Variants in CALCA observed in about 807,000 individuals in gnomAD.
CALCA encodes the protein calcitonin related polypeptide alpha, also known as calcitonin.
In CALCA, 4 loss-of-function variants were observed where a neutral mutation model predicts 6.9. The observed-to-expected ratio is 0.58, with a 90% CI of 0.29 to 1.33. The LOEUF (loss-of-function observed/expected upper bound fraction) is 1.33. CALCA is among the 40% of genes most tolerant of loss of function. The pLI is 0.09. For synonymous variants in CALCA, 78 were observed against 70.0 expected (o/e 1.11, Z -0.57); for missense variants, 174 against 178.3 (o/e 0.98, Z 0.14).
chr11:14,970,219 GTCC>G, intron 2 of CALCA, 144 bp from the exon 3 acceptor site: 1 of 1,187,414 alleles, frequency 8.4e-7, no homozygotes, highest in South Asian at 1.5e-5. Context: ...CAAGGCCAGT[GTCC>G]TCCTCAGGAC....
intron 3 of CALCA, 77 bp downstream of exon 3, chr11:14,969,858 C>T (rs1441166768): frequency 4.4e-6 from 7 of 1,606,776 alleles, no homozygotes; most frequent in Non-Finnish European, 6.0e-6. Context: ...TGTGTTCTCT[C>T]CTACCTCTCG....
chr11:14,971,337 C>T lies in CALCA; in HGVS notation c.-9-136G>A. ...TGGCTTCAGACTGGTCATTATATTT[C>T]TCTTCTTTTTTGTTTCCTCATCAGC... On this transcript the variant is annotated intron_variant, in intron 1 of 3. Coordinates refer to ENST00000331587, the MANE Select transcript of CALCA (RefSeq NM_001741.3). The T allele has an allele frequency of 2.8e-6, 2 of 709,310 alleles. 1 individual carries two copies. The highest frequency in any genetic ancestry group is 5.2e-6 in the Non-Finnish European group (2 of 388,294). The allele number at this position is 709,310 out of a possible 1,614,324, so 43.9% of individuals were successfully genotyped here.
rs1555025832 is a variant in CALCA at position 14,968,827 on chromosome 11, T to G, written c.398A>C (p.His133Pro). The G allele has an allele frequency of 1.8e-5, 29 of 1,614,068 alleles. No individual in the cohort carries two copies. The highest frequency in any genetic ancestry group is 2.5e-5 in the Non-Finnish European group (29 of 1,180,036). Residue 133 changes from histidine (H) to proline (P), a missense_variant, in exon 4 of 4, where the codon CAT (histidine) becomes CCT (proline). Coordinates refer to ENST00000331587, the MANE Select transcript of CALCA (RefSeq NM_001741.3). ...GTTGGCATTCTGGGGCATGCTAACA[T>G]GAGGGCGATGGTCTCTCTCCAAGTC... ...SSDLERDHRP[H>P]VSMPQNAN
rs1555025859 is a variant in CALCA, at chr11:14,968,904, G to A, written c.321C>T (p.Pro107=). 6.2e-7 allele frequency: 1 copy of A among 1,614,134 alleles called. No homozygotes were observed. The highest frequency in any genetic ancestry group is 1.1e-5 in the South Asian group (1 of 91,068). The change falls in exon 4 of 4, where the codon CCC becomes CCT. Residue 107 remains proline (P), a synonymous_variant. Transcript: ENST00000331587. ...TQDFNKFHTF[P]QTAIGVGAPG... is the part of the protein sequence containing the mutation. Reference sequence around the variant, plus strand: ...GTGCTCCAACCCCAATTGCAGTTTGGGGGAACGTGTGAAACTTGTTGAAGT... The same window carrying A: ...GTGCTCCAACCCCAATTGCAGTTTGAGGGAACGTGTGAAACTTGTTGAAGT...
Position 14,968,948 on chromosome 11 carries a change from G to T in CALCA, c.277C>A (p.Leu93Met), listed in dbSNP as rs1020077076. 3.7e-6 allele frequency: 6 copies of T among 1,613,990 alleles called. No individual in the cohort carries two copies. The highest frequency in any genetic ancestry group is 5.1e-6 in the Non-Finnish European group (6 of 1,180,024). ...KRCGNLSTCM[L>M]GTYTQDFNKF... ...TTGAAGTCCTGCGTGTATGTGCCCAGCATGCAAGTACTCAGATTACCGCAC... is the reference window on the plus strand; with the variant it reads ...TTGAAGTCCTGCGTGTATGTGCCCATCATGCAAGTACTCAGATTACCGCAC... Residue 93 changes from leucine (L) to methionine (M), a missense_variant, in exon 4 of 4, where the codon CTG (leucine) becomes ATG (methionine). Coordinates refer to ENST00000331587, the MANE Select transcript of CALCA (RefSeq NM_001741.3).
downstream of CALCA, chr11:14,967,720 C>T: frequency 6.2e-7 from 1 of 1,614,198 alleles, no homozygotes; most frequent in South Asian, 1.1e-5. Context: ...CCTGCGGCGC[C>T]TGCCAAAGGC....
downstream of CALCA, among the ~76,000 whole-genome samples, chr11:14,967,358 T>G (rs1849479992): frequency 6.6e-6 from 1 of 152,184 alleles, no homozygotes; most frequent in Admixed American, 6.5e-5. Flanking sequence ...TAATGTATAC[T>G]CTAAAATGAT....
intron 1 of CALCA, among the ~76,000 whole-genome samples, chr11:14,971,624 G>A (rs782104519): frequency 3.3e-5 from 5 of 152,196 alleles, no homozygotes; most frequent in Non-Finnish European, 7.3e-5. Flanking sequence ...GGTGGGAGGG[G>A]TGGGATCTAT....
In CALCA at chr11:14,971,141, A is replaced by G. The variant is rs144571175; in HGVS notation, c.52T>C (p.Leu18=). 8.1e-6 allele frequency: 13 copies of G among 1,613,996 alleles called. No homozygotes were observed. In the African/African-American group the frequency reaches 1.7e-4, roughly 22 times the overall value. ...GCTGCATGGAGGCTGCCTGCCTGCA[A>G]CAGGACCAAGATGCTGAGAGCCAGG... is the stretch of plus-strand genomic sequence containing the variant. ...PFLALSILVL[L]QAGSLHAAPF... is the part of the protein sequence containing the mutation. Residue 18 remains leucine (L), a synonymous_variant, in exon 2 of 4, where the codon TTG becomes CTG. Transcript: ENST00000331587.
chr11:14,971,178 C>A lies in CALCA; in HGVS notation c.15G>T (p.Lys5Asn). The A allele has an allele frequency of 6.2e-7, 1 of 1,614,034 alleles. No homozygotes were observed. Among genetic ancestry groups the A allele is most frequent in the Non-Finnish European group, 8.5e-7 (1 of 1,179,974 alleles). The change falls in exon 2 of 4, where the codon AAG (lysine) becomes AAT (asparagine). Residue 5 changes from lysine to asparagine, a missense_variant. By Grantham distance (94) the Lys-to-Asn change is moderately conservative. Transcript: ENST00000331587. MGFQ[K>N]FSPFLALSIL... ...TGCTGAGAGCCAGGAAGGGGGAGAA[C>A]TTTTGGAAGCCCATGACACCTCTCT...
chr11:14,968,771 A>G lies in CALCA; in HGVS notation c.*28T>C. ...ATCAAGTTATAGGAAGGATGCAAGAAGGGAAATTAGGAAGGAAAGGGAGGA... is the reference window on the plus strand; with the variant it reads ...ATCAAGTTATAGGAAGGATGCAAGAGGGGAAATTAGGAAGGAAAGGGAGGA... On this transcript the variant is annotated 3_prime_UTR_variant, in exon 4 of 4. Transcript: ENST00000331587. The G allele has an allele frequency of 6.2e-7, 1 of 1,614,128 alleles. No individual in the cohort carries two copies. Among genetic ancestry groups the G allele is most frequent in the Non-Finnish European group, 8.5e-7 (1 of 1,179,996 alleles).
downstream of CALCA, chr11:14,967,784 T>C (rs1220330803): frequency 1.2e-6 from 2 of 1,614,212 alleles, no homozygotes; most frequent in Non-Finnish European, 1.7e-6. Flanking sequence ...CCCCCTGATC[T>C]GCTCAGCAAG....
At chr11:14,966,693 T>A (rs1849466149), downstream of CALCA, 1 of 152,054 alleles carries the variant, frequency 6.6e-6, no homozygotes, top group Non-Finnish European at 1.5e-5. Flanking sequence ...AATACATTTT[T>A]AATTTTGATA....
At position 14,970,525 on chromosome 11, in the gene CALCA, T is replaced by C. The variant is rs557320230; in HGVS notation, c.87-450A>G. 2.0e-5 allele frequency among the ~76,000 whole-genome samples: 3 copies of C among 152,282 alleles called. No individual in the cohort carries two copies. The East Asian group carries it at 5.8e-4, about 29-fold the overall frequency. On this transcript the variant is annotated intron_variant, in intron 2 of 3. Transcript: ENST00000331587. The stretch of plus-strand genomic sequence containing the variant: ...ATTCATTTTTCAAATCATGGCTGAA[T>C]AGGATAAATAGGATGGCTACACATA...
At chr11:14,969,817 G>A in intron 3 of CALCA, 118 bp downstream of exon 3, 1 of 1,513,728 alleles carries the variant, frequency 6.6e-7, no homozygotes. Flanking sequence ...AGGTCCCGGT[G>A]AACAACACAG....
intron 1 of CALCA, among the ~76,000 whole-genome samples, chr11:14,971,889 G>C (rs1209766162): frequency 6.6e-6 from 1 of 152,080 alleles, no homozygotes; most frequent in Non-Finnish European, 1.5e-5. Flanking sequence ...AATTTCCCTG[G>C]GACTGCTGGG....
chr11:14,967,773 AC>A (rs1565207788), downstream of CALCA: 79 of 1,613,456 alleles, frequency 4.9e-5, no homozygotes, highest in Non-Finnish European at 6.6e-5. Context: ...TCTTCACCAC[AC>A]CCCCTGATCT....
chr11:14,971,314 G>C, intron 1 of CALCA, 113 bp from the exon 2 acceptor site: 1 of 756,876 alleles, frequency 1.3e-6, no homozygotes, highest in South Asian at 1.4e-5. Flanking sequence ...TGGCTTTGTG[G>C]CTTCAGACTG....
intron 1 of CALCA, 141 bp from the exon 2 acceptor site, chr11:14,971,342 C>T (rs1849600479): frequency 7.1e-6 from 5 of 700,698 alleles, no homozygotes; most frequent in Non-Finnish European, 1.3e-5. Flanking sequence ...TATTTCTCTT[C>T]TTTTTTGTTT....
Sources: gnomAD v4.1 joint callset for allele counts (sites outside exome capture counted in the v4.1 genomes callset) on GRCh38, gnomAD v4.1.1 for gene constraint, MANE v1.5 for transcripts, NCBI Gene and HGNC (gene_info 2026-07-23, HGNC 2026-07-21) for gene names.